SKAP1: variants seen among roughly 807,000 people sequenced by gnomAD.
SKAP1 encodes src kinase associated phosphoprotein 1.
SKAP1 carries 44 observed loss-of-function variants against 58.5 expected under a neutral mutation model. The ratio of observed to expected loss-of-function variants is 0.75; its 90% CI spans 0.59 to 0.97. The LOEUF (loss-of-function observed/expected upper bound fraction) is 0.97. Ranked by LOEUF, SKAP1 falls within the 50% of genes least tolerant of loss-of-function variation. The pLI is 0.00. For synonymous variants in SKAP1, 127 were observed against 149.7 expected (o/e 0.85, Z 1.11); for missense variants, 390 against 435.2 (o/e 0.90, Z 0.92).
chr17:48,347,829 C>CTAAATGGACTGCCTGGCTAGTAA (rs565926754), intron 3 of SKAP1, among the ~76,000 whole-genome samples: 265 of 152,198 alleles, frequency 1.7e-3, no homozygotes, highest in African/African-American at 6.0e-3. Context: ...TCAACACAAT[C>CTAAATGGACTGCCTGGCTAGTAA]TAAATGGACT....
intron 4 of SKAP1, among the ~76,000 whole-genome samples, chr17:48,319,009 A>G (rs1367084124): frequency 6.6e-6 from 1 of 152,260 alleles, no homozygotes; most frequent in Admixed American, 6.5e-5. Context: ...AAAGAAGTAC[A>G]CATAACAGTA....
intron 2 of SKAP1, among the ~76,000 whole-genome samples, chr17:48,377,919 T>C (rs537249467): frequency 1.3e-5 from 2 of 152,208 alleles, no homozygotes; most frequent in African/African-American, 4.8e-5. Context: ...GGAGTAGAAC[T>C]GTCCTTTGTC....
intron 4 of SKAP1, among the ~76,000 whole-genome samples, chr17:48,233,257 T>C (rs887003143): frequency 6.6e-6 from 1 of 152,146 alleles, no homozygotes; most frequent in Admixed American, 6.5e-5. Flanking sequence ...ATTTCAGCTA[T>C]GGAAAATTAA....
At chr17:48,152,621 G>T (rs972940133) in intron 11 of SKAP1, among the ~76,000 whole-genome samples, 12 of 152,122 alleles carry the variant, frequency 7.9e-5, no homozygotes, top group Non-Finnish European at 1.5e-4. Flanking sequence ...GGAAACCTCT[G>T]AATCCAATAC....
intron 3 of SKAP1, among the ~76,000 whole-genome samples, chr17:48,347,183 G>T (rs1291058842): frequency 1.3e-5 from 2 of 152,276 alleles, no homozygotes; most frequent in East Asian, 3.9e-4. Context: ...GGTACAGTCT[G>T]CTAATAAAAG....
intron 4 of SKAP1, among the ~76,000 whole-genome samples, chr17:48,243,290 A>T (rs1171357416): frequency 6.6e-6 from 1 of 152,154 alleles, no homozygotes; most frequent in East Asian, 1.9e-4. Flanking sequence ...AGTAAAAATA[A>T]AAATAGGACT....
At chr17:48,290,503 T>C (rs2065886748) in intron 4 of SKAP1, among the ~76,000 whole-genome samples, 1 of 152,244 alleles carries the variant, frequency 6.6e-6, no homozygotes, top group African/African-American at 2.4e-5. Context: ...CAGCCTCTTT[T>C]ATTCTTCCCG....
At chr17:48,140,804 T>A (rs2063757927) in intron 11 of SKAP1, among the ~76,000 whole-genome samples, 1 of 149,226 alleles carries the variant, frequency 6.7e-6, no homozygotes, top group Non-Finnish European at 1.5e-5. Context: ...TAAGATGGAG[T>A]CTTGCTCTCT....
At chr17:48,347,369 T>C (rs540134137) in intron 3 of SKAP1, among the ~76,000 whole-genome samples, 6 of 152,304 alleles carry the variant, frequency 3.9e-5, no homozygotes, top group South Asian at 4.1e-4. Flanking sequence ...ACAACCTACA[T>C]AGAATCTGTA....
chr17:48,401,608 TA>T (rs1284726679), intron 1 of SKAP1, among the ~76,000 whole-genome samples: 3 of 151,884 alleles, frequency 2.0e-5, no homozygotes, highest in Non-Finnish European at 4.4e-5. Context: ...TCACACCATA[TA>T]AAAAAATTAA....
intron 4 of SKAP1, among the ~76,000 whole-genome samples, chr17:48,257,533 C>T (rs1415722403): frequency 1.3e-5 from 2 of 151,732 alleles, no homozygotes; most frequent in African/African-American, 4.8e-5. Context: ...TATTGTGGTA[C>T]ATCCATGGAC....
intron 6 of SKAP1, chr17:48,185,301 A>T (rs2064434265): frequency 6.5e-6 from 1 of 154,242 alleles, no homozygotes; most frequent in Non-Finnish European, 1.4e-5. Context: ...TGCCCTATGT[A>T]GCATTTGGGC....
chr17:48,320,593 A>C (rs1452058701), intron 4 of SKAP1, among the ~76,000 whole-genome samples: 1 of 152,204 alleles, frequency 6.6e-6, no homozygotes, highest in East Asian at 1.9e-4. Context: ...CAGAGAGAAA[A>C]AAATCATACA....
intron 4 of SKAP1, among the ~76,000 whole-genome samples, chr17:48,212,295 A>C (rs1332250592): frequency 6.6e-6 from 1 of 152,146 alleles, no homozygotes; most frequent in Admixed American, 6.5e-5. Context: ...AGAGGCCTCA[A>C]ATAAATGAAG....
At chr17:48,270,247 G>C (rs1244386642) in intron 4 of SKAP1, among the ~76,000 whole-genome samples, 2 of 152,040 alleles carry the variant, frequency 1.3e-5, no homozygotes, top group Non-Finnish European at 2.9e-5. Context: ...TTTTCTTTTG[G>C]ATAACTTTTT....
intron 4 of SKAP1, among the ~76,000 whole-genome samples, chr17:48,225,769 T>G (rs2065061288): frequency 6.6e-6 from 1 of 152,074 alleles, no homozygotes; most frequent in Non-Finnish European, 1.5e-5. Flanking sequence ...TCCCTTAAAT[T>G]GGAGAGGGTA....
intron 4 of SKAP1, among the ~76,000 whole-genome samples, chr17:48,335,986 G>A (rs1005576843): frequency 6.6e-6 from 1 of 152,102 alleles, no homozygotes; most frequent in Non-Finnish European, 1.5e-5. Context: ...AAGCTCACAT[G>A]TTGAGAACTT....
intron 4 of SKAP1, among the ~76,000 whole-genome samples, chr17:48,304,368 C>G (rs529697077): frequency 6.6e-6 from 1 of 152,182 alleles, no homozygotes; most frequent in East Asian, 1.9e-4. Flanking sequence ...GCTGGAAGAA[C>G]AGAAAGCAAT....
chr17:48,249,463 A>G (rs1034878809), intron 4 of SKAP1, among the ~76,000 whole-genome samples: 2 of 152,212 alleles, frequency 1.3e-5, no homozygotes, highest in Admixed American at 1.3e-4. Flanking sequence ...GCTTGAGCCT[A>G]GGAGTTTGAG....
Sources: allele counts gnomAD v4.1 joint callset (sites outside exome capture counted in the v4.1 genomes callset), GRCh38; gene constraint gnomAD v4.1.1; transcripts MANE v1.5; gene names NCBI Gene and HGNC (gene_info 2026-07-23, HGNC 2026-07-21).